Variants in INF2 observed in about 807,000 individuals in gnomAD.
INF2 encodes the protein inverted formin 2.
INF2 carries 43 observed loss-of-function variants against 123.5 expected under a neutral mutation model. The ratio of observed to expected loss-of-function variants is 0.35; its 90% CI spans 0.27 to 0.45. The LOEUF is 0.45. INF2 is among the 20% of genes least tolerant of loss of function. The pLI is 1.00. For missense variants in INF2, 1,453 were observed against 1,682.7 expected, an observed-to-expected ratio of 0.86 and a Z score of 2.39; for synonymous variants, 851 against 745.0, an observed-to-expected ratio of 1.14 and a Z score of -2.32.
chr14:104,721,188 G>T lies in INF2; in HGVS notation c.*2395G>T, dbSNP rs538982358. On this transcript the variant is annotated 3_prime_UTR_variant, in exon 23 of 23. Coordinates refer to ENST00000392634, the MANE Select transcript of INF2 (RefSeq NM_022489.4). Reference sequence around the variant, plus strand: ...TCCTCGTGTGGATGCTGCTATGGACGTCTGCGTAGTCTCGTGTGGATGCTG... The same window carrying T: ...TCCTCGTGTGGATGCTGCTATGGACTTCTGCGTAGTCTCGTGTGGATGCTG... The T allele has an allele frequency of 1.8e-5, 2 of 108,400 alleles. 1 individual carries two copies. The highest frequency in any genetic ancestry group is 4.3e-5 in the Non-Finnish European group (2 of 46,200). The allele number at this position is 108,400 out of a possible 1,614,324, so 6.7% of individuals were successfully genotyped here. A position where few individuals can be genotyped will look rare whatever the true frequency, so the allele number is the denominator to read the frequency against.
rs754983807 is a variant in INF2 at position 104,709,617 on chromosome 14, C to T, written c.2053-3C>T. 4.3e-5 allele frequency: 69 copies of T among 1,611,968 alleles called. No individual in the cohort carries two copies. Among genetic ancestry groups the T allele is most frequent in the Non-Finnish European group, 5.1e-5 (60 of 1,179,312 alleles). ...ATCCCACATGCCGTTCTCCTCCTGG[C>T]AGATTGAAAACCTGCGGGCATTCAC... On this transcript the variant is annotated splice_polypyrimidine_tract_variant and splice_region_variant and intron_variant, in intron 11 of 22. Transcript: ENST00000392634.
chr14:104,693,183 T>C (rs116241051), intron 1 of INF2, among the ~76,000 whole-genome samples: 2,589 of 152,344 alleles, frequency 0.017, 70 homozygotes, highest in African/African-American at 0.059. Flanking sequence ...TGTGCTCCCG[T>C]GCTGTGACAG....
At chr14:104,698,879 C>T (rs577314644) in intron 1 of INF2, among the ~76,000 whole-genome samples, 5 of 152,364 alleles carry the variant, frequency 3.3e-5, no homozygotes, top group African/African-American at 1.2e-4. Flanking sequence ...TGCCCCCAGA[C>T]AGCACCCGGT....
rs1379043436 is a variant in INF2, at chr14:104,701,290, G to T, written c.-9-67G>T. On this transcript the variant is annotated intron_variant, in intron 1 of 22. Coordinates refer to ENST00000392634, the MANE Select transcript of INF2 (RefSeq NM_022489.4). ...GAGACCGAGGGAAGTGGCCCCGCCT[G>T]CGCTGGTGGCCAGGAGGACAGCCCC... is the stretch of plus-strand genomic sequence containing the variant. 3 of 1,508,078 alleles carry T rather than the reference G, an allele frequency of 2.0e-6. No individual in the cohort carries two copies. The African/African-American group carries it at 4.1e-5, about 21-fold the overall frequency. 93.4% of individuals were successfully genotyped at this position (1,508,078 alleles called of 1,614,324 possible).
At chr14:104,710,029 C>T in intron 12 of INF2, 59 bp from the exon 13 acceptor site, 2 of 1,392,796 alleles carry the variant, frequency 1.4e-6, no homozygotes, top group Non-Finnish European at 2.0e-6. Flanking sequence ...GCTGAGTGCC[C>T]CTCTGGCAGG....
At position 104,714,841 on chromosome 14, in the gene INF2, T is replaced by G; in HGVS notation, c.3679T>G (p.Ser1227Ala). 6.3e-7 allele frequency: 1 copy of G among 1,580,660 alleles called. No homozygotes were observed. Among genetic ancestry groups the G allele is most frequent in the Non-Finnish European group, 8.6e-7 (1 of 1,167,376 alleles). ...CGGGAAGCGAAGGAAGAAGCGTCCC[T>G]CCAGGAGCCAGGAAGGTAACTCAGG... ...GTGKRRKKRPSRSQEEVPPDS... is the reference protein window; with the variant it reads ...GTGKRRKKRPARSQEEVPPDS... Residue 1227 changes from serine to alanine, a missense_variant, in exon 21 of 23, where the codon TCC becomes GCC. Ser to Ala is a moderately conservative substitution (Grantham distance 99). This residue lies in a region of INF2 where 344 missense variants were observed against 333.1 expected (regional missense o/e 1.03). Coordinates refer to ENST00000392634, the MANE Select transcript of INF2 (RefSeq NM_022489.4).
intron 5 of INF2, among the ~76,000 whole-genome samples, chr14:104,705,706 G>A (rs975674627): frequency 1.3e-5 from 2 of 152,200 alleles, no homozygotes; most frequent in Admixed American, 6.5e-5. Context: ...GTCACGGCCC[G>A]GTTCCATTGT....
At position 104,684,184 on chromosome 14, in the gene INF2, C is replaced by A; in HGVS notation, c.-104+2602C>A. ...TGCCGCCACGGGAAACAGCACGCAT[C>A]CCATCTGGACTCCCACCAGACAACT... is the stretch of plus-strand genomic sequence containing the variant. On this transcript the variant is annotated intron_variant, in intron 1 of 2. Coordinates refer to the INF2 transcript ENST00000674723. This position sits in a 1 kb window ranked among gnomAD's most constrained non-coding sequence, Gnocchi z 5.0. The A allele has an allele frequency of 2.2e-6, 1 of 454,014 alleles. No homozygotes were observed. Among genetic ancestry groups the A allele is most frequent in the Non-Finnish European group, 4.4e-6 (1 of 225,268 alleles). 28.1% of individuals were successfully genotyped at this position (454,014 alleles called of 1,614,324 possible). A position where few individuals can be genotyped will look rare whatever the true frequency, so the allele number is the denominator to read the frequency against.
intron 1 of INF2, among the ~76,000 whole-genome samples, chr14:104,697,887 C>CGGGG (rs58831678): frequency 6.6e-5 from 10 of 151,812 alleles, no homozygotes; most frequent in African/African-American, 2.4e-4. Context: ...GGTGGACTGC[C>CGGGG]GGGGGGGGTG....
intron 1 of INF2, chr14:104,690,816 G>C (rs1418418941): frequency 6.6e-6 from 1 of 152,310 alleles, no homozygotes; most frequent in East Asian, 1.9e-4. Flanking sequence ...TCCCAGAGCA[G>C]TGCCTCAGAC....
chr14:104,689,322 G>T (rs1220234830), upstream of INF2: 44 of 913,372 alleles, frequency 4.8e-5, no homozygotes, highest in Non-Finnish European at 5.5e-5. Context: ...GGGCAGGGAC[G>T]GGGCGGACAG....
At chr14:104,700,537 G>A (rs1217764565) in intron 1 of INF2, among the ~76,000 whole-genome samples, 1 of 152,182 alleles carries the variant, frequency 6.6e-6, no homozygotes, top group African/African-American at 2.4e-5. Flanking sequence ...GTCTGTGGTT[G>A]GGGACAGCGG....
rs548518649 is a variant in INF2 at position 104,693,900 on chromosome 14, C to T, written c.-10+4161C>T. On this transcript the variant is annotated intron_variant, in intron 1 of 22. Transcript: ENST00000392634. ...CAGGCACAGCTCAGACTGTCGCCTG[C>T]ACCCAGCCTACGCTGGGAGGAGGAC... Among the ~76,000 whole-genome samples the T allele has an allele frequency of 4.6e-5, 7 of 152,340 alleles. No individual in the cohort carries two copies. In the East Asian group the frequency reaches 1.4e-3, roughly 29 times the overall value.
chr14:104,692,665 A>G (rs1442710988), intron 1 of INF2, among the ~76,000 whole-genome samples: 1 of 152,178 alleles, frequency 6.6e-6, no homozygotes, highest in African/African-American at 2.4e-5. Context: ...CAGACAGACA[A>G]CTGCCCAAGG....
At chr14:104,703,765 T>C in intron 4 of INF2, 151 bp from the exon 5 acceptor site, 1 of 1,374,100 alleles carries the variant, frequency 7.3e-7, no homozygotes, top group South Asian at 1.2e-5. Context: ...CATCACTGTG[T>C]GTCCAGCATG....
intron 1 of INF2, among the ~76,000 whole-genome samples, chr14:104,683,291 C>T (rs74369194): frequency 0.094 from 14,171 of 150,662 alleles, 812 homozygotes; most frequent in East Asian, 0.48. Flanking sequence ...GAATAAATCC[C>T]AAGCATGCAT....
At position 104,721,324 on chromosome 14, in the gene INF2, CGTCTGCGTCGTCCTCGTGTGG is replaced by C. The variant is rs1357634998; in HGVS notation, c.*2532_*2552del. 1.5e-5 allele frequency: 2 copies of C among 133,658 alleles called. No homozygotes were observed. The highest frequency in any genetic ancestry group is 7.7e-5 in the Admixed American group (1 of 12,966). The allele number at this position is 133,658 out of a possible 1,614,324, so 8.3% of individuals were successfully genotyped here. On this transcript the variant is annotated 3_prime_UTR_variant, in exon 23 of 23. Coordinates refer to ENST00000392634, the MANE Select transcript of INF2 (RefSeq NM_022489.4). The stretch of plus-strand genomic sequence containing the variant: ...AGTCTCGTGTGGATGCTGCTGTGGA[CGTCTGCGTCGTCCTCGTGTGG>C]ATGCTGCTGTGGACGTCTGCGTAGT...
chr14:104,701,387 C>G lies in INF2; in HGVS notation c.22C>G (p.Gln8Glu). Residue 8 changes from glutamine to glutamate, a missense_variant, in exon 2 of 23, where the codon CAG (glutamine) becomes GAG (glutamate). By Grantham distance (29) the Gln-to-Glu change is conservative. Transcript: ENST00000392634. MSVKEGAQRKWAALKEKL... is the reference protein window; with the variant it reads MSVKEGAERKWAALKEKL... Reference sequence around the variant, plus strand: ...CAAGATGTCGGTGAAGGAGGGCGCACAGCGCAAGTGGGCAGCGCTGAAGGA... The same window carrying G: ...CAAGATGTCGGTGAAGGAGGGCGCAGAGCGCAAGTGGGCAGCGCTGAAGGA... The G allele has an allele frequency of 6.3e-7, 1 of 1,588,914 alleles. No individual in the cohort carries two copies. Among genetic ancestry groups the G allele is most frequent in the South Asian group, 1.1e-5 (1 of 87,758 alleles).
upstream of INF2, chr14:104,689,475 C>A (rs947885553): frequency 6.3e-5 from 27 of 426,664 alleles, no homozygotes; most frequent in South Asian, 2.3e-3. Flanking sequence ...CCTCAGGGAC[C>A]GGCCACAGTG....
Sources: allele counts gnomAD v4.1 joint callset (sites outside exome capture counted in the v4.1 genomes callset), GRCh38; gene constraint gnomAD v4.1.1; regional missense constraint gnomAD v4.1.1; non-coding constraint Gnocchi (gnomAD v3.1); transcripts MANE v1.5; gene names NCBI Gene and HGNC (gene_info 2026-07-23, HGNC 2026-07-21).